The following ZNF292 variants were observed in gnomAD, a reference collection of about 807,000 sequenced individuals.
The protein encoded by ZNF292 is zinc finger protein 292.
A neutral mutation model predicts 217.9 loss-of-function variants in ZNF292; 26 were observed. That is an observed-to-expected ratio of 0.12 (90% CI 0.09 to 0.17). The LOEUF is 0.17. ZNF292 is among the 10% of genes least tolerant of loss of function. The pLI, the probability that ZNF292 is intolerant of heterozygous loss-of-function variation, is 1.00. For synonymous variants in ZNF292, 1,257 were observed against 1,124.1 expected (o/e 1.12, Z -2.37); for missense variants, 2,904 against 3,175.2 (o/e 0.91, Z 2.05).
intron 4 of ZNF292, among the ~76,000 whole-genome samples, chr6:87,229,397 T>G (rs1353505800): frequency 6.6e-6 from 1 of 152,224 alleles, no homozygotes; most frequent in Admixed American, 6.5e-5. Context: ...CTCTTTTATT[T>G]TTCTTGCCTA....
chr6:87,203,438 G>A (rs1772152616), intron 1 of ZNF292, among the ~76,000 whole-genome samples: 4 of 151,954 alleles, frequency 2.6e-5, no homozygotes, highest in Admixed American at 2.6e-4. Context: ...CCACTGTGCT[G>A]AGCGATTTTC....
At chr6:87,171,171 G>T (rs1771082961) in intron 1 of ZNF292, among the ~76,000 whole-genome samples, 1 of 152,194 alleles carries the variant, frequency 6.6e-6, no homozygotes, top group South Asian at 2.1e-4. Flanking sequence ...CATGTGTGTG[G>T]TGGAGGGTTT....
In ZNF292 at chr6:87,257,908, C is replaced by T. The variant is rs762830819; in HGVS notation, c.4279C>T (p.Leu1427Phe). ...GQPSLLASMI[L>F]STNAVNLQQP... ...GCCTTCTCTTCTTGCCAGCATGATTCTCTCCACAAATGCAGTAAATTTGCA... is the reference window on the plus strand; with the variant it reads ...GCCTTCTCTTCTTGCCAGCATGATTTTCTCCACAAATGCAGTAAATTTGCA... Residue 1427 changes from leucine (L) to phenylalanine (F), a missense_variant, in exon 8 of 8, where the codon CTC (leucine) becomes TTC (phenylalanine). Physicochemically the swap from Leu to Phe is conservative, Grantham distance 22. Coordinates refer to ENST00000369577, the MANE Select transcript of ZNF292 (RefSeq NM_015021.3). The T allele has an allele frequency of 1.9e-6, 3 of 1,613,932 alleles. No individual in the cohort carries two copies. The highest frequency in any genetic ancestry group is 1.7e-6 in the Non-Finnish European group (2 of 1,179,838).
chr6:87,188,757 G>A (rs1176240726), intron 1 of ZNF292, among the ~76,000 whole-genome samples: 1 of 135,692 alleles, frequency 7.4e-6, no homozygotes, highest in Admixed American at 7.8e-5. Flanking sequence ...TGTTGTTTTG[G>A]CTGTTTTTAC....
At chr6:87,160,489 ATATGTGTGTGTG>A in intron 1 of ZNF292, among the ~76,000 whole-genome samples, 1 of 98,786 alleles carries the variant, frequency 1.0e-5, no homozygotes, top group South Asian at 4.3e-4. Context: ...GTTTGTATAT[ATATGTGTGTGTG>A]TGTGTGTGTG....
At chr6:87,216,921 A>G (rs547738095) in intron 3 of ZNF292, among the ~76,000 whole-genome samples, 1 of 151,936 alleles carries the variant, frequency 6.6e-6, no homozygotes, top group Non-Finnish European at 1.5e-5. Flanking sequence ...TATTTTATTT[A>G]GTGTTGTTAT....
chr6:87,222,830 T>A (rs1325635518), intron 4 of ZNF292: 2 of 453,454 alleles, frequency 4.4e-6, no homozygotes, highest in Admixed American at 4.7e-5. Flanking sequence ...TCCTCTTGGC[T>A]GTGACAGTTT....
chr6:87,230,733 T>TA (rs35005215), intron 4 of ZNF292, among the ~76,000 whole-genome samples: 3,820 of 137,360 alleles, frequency 0.028, 138 homozygotes, highest in African/African-American at 0.085. Flanking sequence ...GACTCCGTCT[T>TA]AAAAAAAAAA....
intron 4 of ZNF292, among the ~76,000 whole-genome samples, chr6:87,218,997 A>G (rs1772934361): frequency 6.6e-6 from 1 of 152,206 alleles, no homozygotes; most frequent in South Asian, 2.1e-4. Context: ...AACTTCTGAC[A>G]GGTGGCAATC....
At position 87,258,885 on chromosome 6, in the gene ZNF292, A is replaced by C; in HGVS notation, c.5256A>C (p.Ile1752=). The change falls in exon 8 of 8, where the codon ATA becomes ATC. Residue 1752 remains isoleucine (I), a synonymous_variant. Coordinates refer to ENST00000369577, the MANE Select transcript of ZNF292 (RefSeq NM_015021.3). The stretch of plus-strand genomic sequence containing the variant: ...TGCAGATTTCTGAAGACAATGTTAT[A>C]CAAAACTTTGAAAAGACTCTTGAAA... ...SDLQISEDNV[I]QNFEKTLEII... 1 of 1,607,332 alleles carries C rather than the reference A, an allele frequency of 6.2e-7. No homozygotes were observed.
chr6:87,155,580 C>T lies in ZNF292; in HGVS notation c.-12C>T, dbSNP rs376320153. 10 of 1,572,444 alleles carry T rather than the reference C, an allele frequency of 6.4e-6. No individual in the cohort carries two copies. The Admixed American group carries it at 1.1e-4, about 18-fold the overall frequency. ...TGACCCAGGTGCGTACGCGACGGAG[C>T]GGGGTGTGAAGATGGCGGACGAAGA... is the stretch of plus-strand genomic sequence containing the variant. On this transcript the variant is annotated 5_prime_UTR_variant, in exon 1 of 8. Coordinates refer to ENST00000369577, the MANE Select transcript of ZNF292 (RefSeq NM_015021.3).
chr6:87,245,519 TG>T lies in ZNF292; in HGVS notation c.897del (p.Trp299Ter). 1.3e-6 allele frequency: 2 copies of T among 1,523,396 alleles called. No homozygotes were observed. The highest frequency in any genetic ancestry group is 2.6e-5 in the Admixed American group (1 of 38,896). 94.4% of individuals were successfully genotyped at this position (1,523,396 alleles called of 1,614,324 possible). Reference protein sequence around the residue: ...MYCAWELTLFWSKLQQRVEPS... With the variant: ...MYCAWELTLFXSKLQQRVEPS... ...TTTTTTAAGGGAACTTACTCTCTTTTGGAGTAAATTACAACAAAGAGTAGAA... is the reference window on the plus strand; with the variant it reads ...TTTTTTAAGGGAACTTACTCTCTTTTGAGTAAATTACAACAAAGAGTAGAA... On this transcript the variant is annotated frameshift_variant, in exon 7 of 8. Transcript: ENST00000369577. LOFTEE classifies it high-confidence loss of function.
chr6:87,229,193 CT>C (rs759351669), intron 4 of ZNF292, among the ~76,000 whole-genome samples: 6 of 151,848 alleles, frequency 4.0e-5, no homozygotes, highest in Non-Finnish European at 8.8e-5. Context: ...GAATTATTTT[CT>C]TAATTTCCTT....
At position 87,259,099 on chromosome 6, in the gene ZNF292, A is replaced by G. The variant is rs1247944792; in HGVS notation, c.5470A>G (p.Asn1824Asp). 1.1e-5 allele frequency: 17 copies of G among 1,613,200 alleles called. No homozygotes were observed. Among genetic ancestry groups the G allele is most frequent in the Non-Finnish European group, 1.4e-5 (17 of 1,179,640 alleles). Residue 1824 changes from asparagine (N) to aspartate (D), a missense_variant, in exon 8 of 8, where the codon AAC becomes GAC. Coordinates refer to ENST00000369577, the MANE Select transcript of ZNF292 (RefSeq NM_015021.3). ...TATAAGTGTCATGCCAACAAAAAGT[A>G]ACATTCCTCAGTCTGAAGTATCACA... is the stretch of plus-strand genomic sequence containing the variant. ...SFISVMPTKSNIPQSEVSHKE... is the reference protein window; with the variant it reads ...SFISVMPTKSDIPQSEVSHKE...
At chr6:87,206,609 A>G (rs957730762) in intron 1 of ZNF292, among the ~76,000 whole-genome samples, 2 of 152,184 alleles carry the variant, frequency 1.3e-5, no homozygotes, top group Non-Finnish European at 2.9e-5. Context: ...ACACACCACT[A>G]TTATCTAATT....
intron 5 of ZNF292, among the ~76,000 whole-genome samples, chr6:87,241,417 ATT>A (rs34271239): frequency 8.5e-4 from 106 of 124,644 alleles, no homozygotes; most frequent in East Asian, 2.6e-3. Context: ...AAGAGCTTGG[ATT>A]TTTTTTTTTT....
chr6:87,243,969 G>C (rs985813542), intron 6 of ZNF292, among the ~76,000 whole-genome samples: 1 of 152,152 alleles, frequency 6.6e-6, no homozygotes, highest in Non-Finnish European at 1.5e-5. Flanking sequence ...GGCATAGCTT[G>C]TTATATGTAA....
chr6:87,162,338 T>C (rs907663083), intron 1 of ZNF292, among the ~76,000 whole-genome samples: 2 of 152,254 alleles, frequency 1.3e-5, no homozygotes, highest in African/African-American at 2.4e-5. Flanking sequence ...TACAAGTTGA[T>C]TCTTTTGTTT....
chr6:87,187,135 G>A (rs1399058696), intron 1 of ZNF292, among the ~76,000 whole-genome samples: 4 of 152,188 alleles, frequency 2.6e-5, no homozygotes, highest in African/African-American at 9.6e-5. Flanking sequence ...GTAATCCAAA[G>A]TTTTAGAAAA....
Sources: allele counts gnomAD v4.1 joint callset (sites outside exome capture counted in the v4.1 genomes callset), GRCh38; gene constraint gnomAD v4.1.1; transcripts MANE v1.5; gene names NCBI Gene and HGNC (gene_info 2026-07-23, HGNC 2026-07-21).